The following TMEM117 variants were observed in gnomAD, a reference collection of about 807,000 sequenced individuals.
TMEM117 encodes the protein transmembrane protein 117.
TMEM117 carries 27 observed loss-of-function variants against 52.4 expected under a neutral mutation model. That is an observed-to-expected ratio of 0.51 (90% CI 0.38 to 0.71). TMEM117 has a LOEUF of 0.71. TMEM117 is among the 30% of genes least tolerant of loss of function. The probability of loss-of-function intolerance (pLI) is 0.00; values close to 1 mark genes in which losing one functional copy is unlikely to be tolerated. For synonymous variants in TMEM117, 215 were observed against 206.3 expected, an observed-to-expected ratio of 1.04 and a Z score of -0.36; for missense variants, 556 against 630.5, an observed-to-expected ratio of 0.88 and a Z score of 1.26.
intron 2 of TMEM117, among the ~76,000 whole-genome samples, chr12:43,924,538 T>C (rs1944747732): frequency 6.6e-6 from 1 of 152,208 alleles, no homozygotes; most frequent in Non-Finnish European, 1.5e-5. Context: ...CTGTGAAGGT[T>C]ATTTTCACAA....
intron 3 of TMEM117, among the ~76,000 whole-genome samples, chr12:44,098,149 G>A (rs1323802836): frequency 6.6e-6 from 1 of 152,070 alleles, no homozygotes; most frequent in Non-Finnish European, 1.5e-5. Flanking sequence ...AAAAAGGTGA[G>A]TTGAATTCAT....
intron 6 of TMEM117, among the ~76,000 whole-genome samples, chr12:44,346,385 C>T (rs1951487564): frequency 6.6e-6 from 1 of 152,040 alleles, no homozygotes. Flanking sequence ...GGTTTTTCAT[C>T]CTGCTTCAAA....
intron 2 of TMEM117, among the ~76,000 whole-genome samples, chr12:43,891,334 C>T (rs1335547406): frequency 3.5e-5 from 4 of 114,284 alleles, no homozygotes; most frequent in African/African-American, 1.2e-4. Flanking sequence ...CTTAAGGCAT[C>T]TTCTAACATT....
At chr12:44,396,469 G>T in the TMEM117 span, among the ~76,000 whole-genome samples, 1 of 151,662 alleles carries the variant, frequency 6.6e-6, no homozygotes, top group African/African-American at 2.4e-5. Flanking sequence ...ATGACTTGGT[G>T]TGGGGGGGAG....
At chr12:44,381,415 C>T (rs1333068679) in intron 7 of TMEM117, among the ~76,000 whole-genome samples, 1 of 152,128 alleles carries the variant, frequency 6.6e-6, no homozygotes, top group African/African-American at 2.4e-5. Flanking sequence ...AGAGGAATGG[C>T]CTCTCAATTC....
intron 3 of TMEM117, among the ~76,000 whole-genome samples, chr12:43,963,447 TCAA>T (rs566225658): frequency 1.2e-3 from 178 of 152,252 alleles, no homozygotes; most frequent in African/African-American, 4.1e-3. Flanking sequence ...AACTGAGACA[TCAA>T]CAACATTTCA....
At chr12:43,967,789 T>G (rs1030760938) in intron 3 of TMEM117, among the ~76,000 whole-genome samples, 6 of 152,206 alleles carry the variant, frequency 3.9e-5, no homozygotes, top group Non-Finnish European at 8.8e-5. Flanking sequence ...AACTGATACA[T>G]TTGGTGATAA....
intron 3 of TMEM117, among the ~76,000 whole-genome samples, chr12:44,055,333 T>C (rs1947037181): frequency 6.6e-6 from 1 of 152,170 alleles, no homozygotes; most frequent in Admixed American, 6.5e-5. Context: ...AAAAACATGC[T>C]ATGGCAAGAA....
Position 43,844,946 on chromosome 12 carries a change from T to A in TMEM117, c.277+18T>A, listed in dbSNP as rs371560454. On this transcript the variant is annotated intron_variant, in intron 2 of 7. Coordinates refer to ENST00000266534, the MANE Select transcript of TMEM117 (RefSeq NM_032256.3). ...TTTGTTTGGTAAGTACCATGACCCATGAAATGTAATATCACTAATTATTTA... is the reference window on the plus strand; with the variant it reads ...TTTGTTTGGTAAGTACCATGACCCAAGAAATGTAATATCACTAATTATTTA... 41 of 1,588,480 alleles carry A rather than the reference T, an allele frequency of 2.6e-5. No individual in the cohort carries two copies. In the African/African-American group the frequency reaches 5.1e-4, roughly 20 times the overall value.
intron 4 of TMEM117, among the ~76,000 whole-genome samples, chr12:44,152,567 A>T (rs1391719688): frequency 1.6e-5 from 2 of 121,888 alleles, no homozygotes; most frequent in South Asian, 5.0e-4. Context: ...TATTTATATC[A>T]TATAAATTTA....
intron 3 of TMEM117, among the ~76,000 whole-genome samples, chr12:44,074,756 CA>C (rs1395350246): frequency 6.6e-6 from 1 of 152,066 alleles, no homozygotes; most frequent in Non-Finnish European, 1.5e-5. Context: ...GCAATTCTTA[CA>C]AAAAATTATT....
Position 44,229,746 on chromosome 12 carries a change from ATAAT to A in TMEM117, c.608+18364_608+18367del, listed in dbSNP as rs1949909628. On this transcript the variant is annotated intron_variant, in intron 5 of 7. Transcript: ENST00000266534. ...CTGTTTAAGATATCCTTTGGGAGCC[ATAAT>A]TAATCTGTAGCATTTAACAAGTGTT... Among the ~76,000 whole-genome samples the A allele has an allele frequency of 2.0e-5, 3 of 152,132 alleles. No individual in the cohort carries two copies. The South Asian group carries it at 6.2e-4, about 31-fold the overall frequency.
the TMEM117 span, among the ~76,000 whole-genome samples, chr12:43,814,250 A>T: frequency 1.3e-5 from 2 of 152,268 alleles, no homozygotes; most frequent in East Asian, 3.9e-4. Context: ...TACTTGTGTG[A>T]TGTTGAATGG....
chr12:44,002,311 C>T (rs750679397), intron 3 of TMEM117, among the ~76,000 whole-genome samples: 7 of 152,278 alleles, frequency 4.6e-5, no homozygotes, highest in Non-Finnish European at 5.9e-5. Flanking sequence ...TGAGGGCCTC[C>T]CTAATGGAGG....
At chr12:44,284,243 TG>T (rs749578331) in intron 5 of TMEM117, among the ~76,000 whole-genome samples, 6 of 151,330 alleles carry the variant, frequency 4.0e-5, no homozygotes, top group Non-Finnish European at 8.8e-5. Context: ...ACCCGAGAGG[TG>T]GAGGTTTCAG....
chr12:44,142,794 G>GT (rs1439217864), intron 3 of TMEM117, among the ~76,000 whole-genome samples: 2 of 152,036 alleles, frequency 1.3e-5, no homozygotes, highest in African/African-American at 4.8e-5. Flanking sequence ...CTGAGTCCCA[G>GT]TTTTTTCAGA....
At chr12:44,063,256 A>G (rs1014221378) in intron 3 of TMEM117, among the ~76,000 whole-genome samples, 3 of 152,176 alleles carry the variant, frequency 2.0e-5, no homozygotes, top group Non-Finnish European at 4.4e-5. Context: ...GATGTTTTCA[A>G]AGAGTATAAA....
intron 5 of TMEM117, among the ~76,000 whole-genome samples, chr12:44,257,384 G>T (rs1238749801): frequency 6.6e-6 from 1 of 151,896 alleles, no homozygotes; most frequent in Non-Finnish European, 1.5e-5. Context: ...ATTCTGTTTT[G>T]GGATTGGAGC....
chr12:43,931,578 A>G (rs1365658494), intron 2 of TMEM117, among the ~76,000 whole-genome samples: 1 of 152,246 alleles, frequency 6.6e-6, no homozygotes, highest in East Asian at 1.9e-4. Flanking sequence ...GTAAATTGAG[A>G]CACAACAGAT....
Sources: allele counts gnomAD v4.1 joint callset (sites outside exome capture counted in the v4.1 genomes callset), GRCh38; gene constraint gnomAD v4.1.1; transcripts MANE v1.5; gene names NCBI Gene and HGNC (gene_info 2026-07-23, HGNC 2026-07-21).